The following IL20RB variants were observed in gnomAD, a reference collection of about 807,000 sequenced individuals.
IL20RB encodes the protein interleukin-20 receptor subunit beta.
IL20RB carries 21 observed loss-of-function variants against 33.3 expected under a neutral mutation model. The observed-to-expected ratio is 0.63, with a 90% confidence interval of 0.45 to 0.91. The LOEUF (loss-of-function observed/expected upper bound fraction) is 0.91, where lower values mean the gene tolerates loss of function less well. IL20RB is among the 40% of genes least tolerant of loss of function. The probability of loss-of-function intolerance (pLI) is 0.00; values close to 1 mark genes in which losing one functional copy is unlikely to be tolerated. For missense variants in IL20RB, 345 were observed against 384.8 expected, an observed-to-expected ratio of 0.90 and a Z score of 0.86; for synonymous variants, 147 against 146.8, an observed-to-expected ratio of 1.00 and a Z score of -0.01.
At chr3:136,995,843 G>A (rs1942116591) in intron 6 of IL20RB, among the ~76,000 whole-genome samples, 1 of 152,198 alleles carries the variant, frequency 6.6e-6, no homozygotes, top group African/African-American at 2.4e-5. Context: ...AGGATGCTCA[G>A]CATTGCAGGA....
At chr3:136,980,363 G>A in intron 1 of IL20RB, 103 bp from the exon 2 acceptor site, 1 of 1,399,844 alleles carries the variant, frequency 7.1e-7, no homozygotes, top group Non-Finnish European at 1.0e-6. Flanking sequence ...TCAGCTTACT[G>A]CAACCTCCGC....
chr3:136,983,214 A>T (rs1315110859), intron 3 of IL20RB, among the ~76,000 whole-genome samples: 1 of 152,040 alleles, frequency 6.6e-6, no homozygotes, highest in Non-Finnish European at 1.5e-5. Flanking sequence ...CAGCCTCCTG[A>T]GTAGCTGGGA....
intron 1 of IL20RB, among the ~76,000 whole-genome samples, chr3:136,974,016 A>G (rs549660709): frequency 4.8e-4 from 73 of 152,036 alleles, no homozygotes; most frequent in African/African-American, 1.7e-3. Flanking sequence ...TTATTCAGCC[A>G]TTTTATATCT....
At chr3:137,005,000 A>T (rs1942324315) in intron 6 of IL20RB, among the ~76,000 whole-genome samples, 1 of 152,078 alleles carries the variant, frequency 6.6e-6, no homozygotes, top group African/African-American at 2.4e-5. Context: ...GAACATTTTT[A>T]TTTCTGCCTT....
chr3:136,960,918 C>T (rs1358449983), intron 1 of IL20RB, among the ~76,000 whole-genome samples: 2 of 152,170 alleles, frequency 1.3e-5, no homozygotes, highest in Non-Finnish European at 1.5e-5. Flanking sequence ...GAAGAGGATC[C>T]AAATAAAGGG....
rs189895965 is a variant in IL20RB at position 136,963,337 on chromosome 3, C to T, written c.88+5136C>T. ...GTGTAATTGCTAGATCATATAGTAACTACATGTTTAGTTTTACAAGAAACT... is the reference window on the plus strand; with the variant it reads ...GTGTAATTGCTAGATCATATAGTAATTACATGTTTAGTTTTACAAGAAACT... On this transcript the variant is annotated intron_variant, in intron 1 of 6. Coordinates refer to ENST00000329582, the MANE Select transcript of IL20RB (RefSeq NM_144717.4). 3.8e-3 allele frequency among the ~76,000 whole-genome samples: 584 copies of T among 152,272 alleles called. 2 individuals are homozygous for T. The highest frequency in any genetic ancestry group is 6.7e-3 in the Non-Finnish European group (459 of 68,018).
chr3:136,959,877 G>A (rs914393577), intron 1 of IL20RB, among the ~76,000 whole-genome samples: 2 of 152,264 alleles, frequency 1.3e-5, no homozygotes, highest in Non-Finnish European at 2.9e-5. Context: ...TAGCCACTTT[G>A]AGGTTATGAG....
intron 1 of IL20RB, among the ~76,000 whole-genome samples, chr3:136,972,742 ATT>A (rs879730915): frequency 6.8e-6 from 1 of 146,990 alleles, no homozygotes. Context: ...TTGAAGAAAA[ATT>A]TTTTTTTTTC....
At chr3:136,979,921 T>C (rs1158566911) in intron 1 of IL20RB, among the ~76,000 whole-genome samples, 1 of 152,230 alleles carries the variant, frequency 6.6e-6, no homozygotes, top group Non-Finnish European at 1.5e-5. Context: ...TTTCCATGAA[T>C]GATTAAGAGG....
At chr3:137,007,585 C>A (rs986566217) in intron 6 of IL20RB, among the ~76,000 whole-genome samples, 2 of 152,240 alleles carry the variant, frequency 1.3e-5, no homozygotes, top group Non-Finnish European at 2.9e-5. Flanking sequence ...GGGCATGAGA[C>A]CTGCCGAGCC....
At chr3:137,004,361 G>A (rs1278848416) in intron 6 of IL20RB, among the ~76,000 whole-genome samples, 1 of 152,076 alleles carries the variant, frequency 6.6e-6, no homozygotes, top group Non-Finnish European at 1.5e-5. Flanking sequence ...TCTTTGTACC[G>A]CTGGTAGAAT....
At position 136,982,214 on chromosome 3, in the gene IL20RB, A is replaced by C. The variant is rs1270317977; in HGVS notation, c.270A>C (p.Ser90=). ...TCTGGATCCCCAGCAGCTGGTGCTC[A>C]CTCACTGAAGGTCCTGAGTGTGATG... The part of the protein sequence containing the change: ...SHIWIPSSWC[S]LTEGPECDVT... The change falls in exon 3 of 7, where the codon TCA becomes TCC. Residue 90 remains serine (S), a synonymous_variant. Transcript: ENST00000329582. 1.2e-6 allele frequency: 2 copies of C among 1,603,802 alleles called. No individual in the cohort carries two copies. The highest frequency in any genetic ancestry group is 1.7e-6 in the Non-Finnish European group (2 of 1,171,890).
At chr3:136,989,616 G>T in intron 4 of IL20RB, 51 bp downstream of exon 4, 1 of 1,606,058 alleles carries the variant, frequency 6.2e-7, no homozygotes, top group African/African-American at 1.3e-5. Flanking sequence ...AGAAGGCACA[G>T]ATTTCTGAGG....
At chr3:137,008,375 G>A (rs898357625) in intron 6 of IL20RB, among the ~76,000 whole-genome samples, 6 of 152,184 alleles carry the variant, frequency 3.9e-5, no homozygotes, top group Admixed American at 2.6e-4. Context: ...TCTTCTCAGC[G>A]ACAGCAGGTT....
At position 137,010,238 on chromosome 3, in the gene IL20RB, C is replaced by T. The variant is rs752120035; in HGVS notation, c.*15C>T. The T allele has an allele frequency of 1.8e-5, 22 of 1,221,976 alleles. No individual in the cohort carries two copies. The highest frequency in any genetic ancestry group is 2.3e-5 in the Non-Finnish European group (19 of 823,564). 75.7% of individuals were successfully genotyped at this position (1,221,976 alleles called of 1,614,324 possible). On this transcript the variant is annotated 3_prime_UTR_variant, in exon 7 of 7. Transcript: ENST00000329582. The stretch of plus-strand genomic sequence containing the variant: ...GGATCTCATAGGTTTGCGGAAGGGC[C>T]CAGGTGAAGCCGAGAACCTGGTCTG...
chr3:136,995,067 A>G (rs1276188861), intron 5 of IL20RB, among the ~76,000 whole-genome samples: 3 of 152,070 alleles, frequency 2.0e-5, no homozygotes, highest in Non-Finnish European at 4.4e-5. Context: ...CCTCCCCCTC[A>G]TCCTGCCCAG....
chr3:136,997,575 CTTT>C (rs541001735), intron 6 of IL20RB, among the ~76,000 whole-genome samples: 5 of 130,622 alleles, frequency 3.8e-5, no homozygotes, highest in Admixed American at 7.5e-5. Context: ...ATCAGTATAT[CTTT>C]TTTTTTTTTT....
rs1297595331 is a variant in IL20RB, at chr3:136,982,344, A to C, written c.400A>C (p.Asn134His). ...CATCCTGAAGCATCCCTTTAATAGA[A>C]ACTCAAGTAAGGCACTTCTCTCCTT... ...WSILKHPFNR[N>H]STILTRPGME... Residue 134 changes from asparagine to histidine, a missense_variant, in exon 3 of 7, where the codon AAC becomes CAC. Asn to His is a moderately conservative substitution (Grantham distance 68). Coordinates refer to ENST00000329582, the MANE Select transcript of IL20RB (RefSeq NM_144717.4). 6.3e-7 allele frequency: 1 copy of C among 1,577,926 alleles called. No individual in the cohort carries two copies. The highest frequency in any genetic ancestry group is 8.7e-7 in the Non-Finnish European group (1 of 1,153,984).
chr3:136,960,789 A>G (rs920030156), intron 1 of IL20RB, among the ~76,000 whole-genome samples: 17 of 152,220 alleles, frequency 1.1e-4, no homozygotes, highest in African/African-American at 3.6e-4. Context: ...CTGCAGAAAA[A>G]GCTGAGACAT....
Sources: gnomAD v4.1 joint callset for allele counts (sites outside exome capture counted in the v4.1 genomes callset) on GRCh38, gnomAD v4.1.1 for gene constraint, MANE v1.5 for transcripts, NCBI Gene and HGNC (gene_info 2026-07-23, HGNC 2026-07-21) for gene names.